The following ADGRE3 variants were observed in gnomAD, a reference collection of about 807,000 sequenced individuals.
The protein encoded by ADGRE3 is adhesion G protein-coupled receptor E3.
ADGRE3 carries 88 observed loss-of-function variants against 80.1 expected under a neutral mutation model. That is an observed-to-expected ratio of 1.10 (90% confidence interval 0.93 to 1.31). ADGRE3 has a LOEUF of 1.31. Among genes scored for constraint, ADGRE3 ranks in the 40% most tolerant of loss-of-function variants. ADGRE3 has a pLI of 0.00. For missense variants in ADGRE3, 715 were observed against 776.5 expected, an observed-to-expected ratio of 0.92 and a Z score of 0.94; for synonymous variants, 281 against 294.8, an observed-to-expected ratio of 0.95 and a Z score of 0.48.
the ADGRE3 span, among the ~76,000 whole-genome samples, chr19:14,608,481 T>C: frequency 6.6e-6 from 1 of 151,880 alleles, no homozygotes; most frequent in African/African-American, 2.4e-5. Flanking sequence ...ACCAGGGTGA[T>C]TTTTTGGTGA....
rs1970938340 is a variant in ADGRE3, at chr19:14,633,384, G to A, written c.1485-82C>T. 2.8e-6 allele frequency: 3 copies of A among 1,069,100 alleles called. No individual in the cohort carries two copies. The Admixed American group carries it at 6.7e-5, about 24-fold the overall frequency. The allele number at this position is 1,069,100 out of a possible 1,614,324, so 66.2% of individuals were successfully genotyped here. A position where few individuals can be genotyped will look rare whatever the true frequency, so the allele number is the denominator to read the frequency against. On this transcript the variant is annotated intron_variant, in intron 11 of 15. Transcript: ENST00000253673. ...ACATAAAGTGTCTCTTTTCCTACCA[G>A]AGAATTGTTTCCAGTTTCTCTTGAA...
chr19:14,665,593 G>A (rs1308875004), intron 2 of ADGRE3, among the ~76,000 whole-genome samples: 2 of 151,822 alleles, frequency 1.3e-5, no homozygotes, highest in Admixed American at 6.6e-5. Context: ...GGGCTCAAGC[G>A]ATCCTCCTAC....
chr19:14,641,668 G>GCCTCCCTCCTT, intron 9 of ADGRE3, 52 bp from the exon 10 acceptor site: 1 of 1,592,016 alleles, frequency 6.3e-7, no homozygotes, highest in African/African-American at 1.3e-5. Context: ...CTGGGATTAT[G>GCCTCCCTCCTT]GCTCCCTCCT....
In ADGRE3 at chr19:14,650,629, A is replaced by ATCTCTCTT. The variant is rs1971571010; in HGVS notation, c.697+455_697+456insAAGAGAGA. On this transcript the variant is annotated intron_variant, in intron 7 of 15. Coordinates refer to ENST00000253673, the MANE Select transcript of ADGRE3 (RefSeq NM_032571.5). ...CTCTCATCTCTTGCTCTCTGTCTCC[A>ATCTCTCTT]TCTCTCTCTCTCTCTCTCTCTCTCT... Among the ~76,000 whole-genome samples, 5 of 24,918 alleles carry ATCTCTCTT rather than the reference A, an allele frequency of 2.0e-4. 1 individual carries two copies. Among genetic ancestry groups the ATCTCTCTT allele is most frequent in the Admixed American group, 2.0e-3 (5 of 2,496 alleles). The allele number at this position is 24,918 out of a possible 152,430, so 16.3% of individuals were successfully genotyped here.
Position 14,651,088 on chromosome 19 carries a change from G to T in ADGRE3, c.694C>A (p.Gln232Lys), listed in dbSNP as rs753340170. ...RCSDIIQGDTQGPSAIAFISY... is the reference protein window; with the variant it reads ...RCSDIIQGDTKGPSAIAFISY... ...TGAATGCAGCCATCAGGCATACCTT[G>T]TGTGTCTCCCTGGATGATGTCACTG... The change falls in exon 7 of 16, where the codon CAA (glutamine) becomes AAA (lysine). Residue 232 changes from glutamine (Q) to lysine (K), a missense_variant. Transcript: ENST00000253673. 6.2e-7 allele frequency: 1 copy of T among 1,614,014 alleles called. No individual in the cohort carries two copies. The highest frequency in any genetic ancestry group is 1.3e-5 in the African/African-American group (1 of 75,046).
In ADGRE3 at chr19:14,661,980, T is replaced by C. The variant is rs763178917; in HGVS notation, c.338A>G (p.Asn113Ser). ...HSGNEQFSNSNENTCQDTTSS... is the reference protein window; with the variant it reads ...HSGNEQFSNSSENTCQDTTSS... ...GTTCTTACCCTGACAGGTGTTCTCA[T>C]TGGAATTACTGAATTGTTCATTCCC... is the stretch of plus-strand genomic sequence containing the variant. Residue 113 changes from asparagine (N) to serine (S), a missense_variant, in exon 4 of 16, where the codon AAT becomes AGT. By Grantham distance (46) the Asn-to-Ser change is conservative. Transcript: ENST00000253673. The C allele has an allele frequency of 1.5e-5, 24 of 1,614,170 alleles. No homozygotes were observed. Among genetic ancestry groups the C allele is most frequent in the East Asian group, 1.1e-4 (5 of 44,886 alleles).
At chr19:14,602,499 G>T in the ADGRE3 span, among the ~76,000 whole-genome samples, 6 of 151,946 alleles carry the variant, frequency 3.9e-5, no homozygotes, top group African/African-American at 1.4e-4. Flanking sequence ...TTGCTATGTT[G>T]CCCAGGCTGG....
rs1971594497 is a variant in ADGRE3, at chr19:14,651,093, T to C, written c.689A>G (p.Asp230Gly). 6.2e-7 allele frequency: 1 copy of C among 1,614,000 alleles called. No individual in the cohort carries two copies. The change falls in exon 7 of 16, where the codon GAC (aspartate) becomes GGC (glycine). Residue 230 changes from aspartate to glycine, a missense_variant. Transcript: ENST00000253673. ...DIRCSDIIQG[D>G]TQGPSAIAFI... The stretch of plus-strand genomic sequence containing the variant: ...GCAGCCATCAGGCATACCTTGTGTG[T>C]CTCCCTGGATGATGTCACTGCAACG...
At chr19:14,634,449 C>G (rs1970977844) in intron 11 of ADGRE3, among the ~76,000 whole-genome samples, 1 of 152,120 alleles carries the variant, frequency 6.6e-6, no homozygotes, top group African/African-American at 2.4e-5. Flanking sequence ...AGATTGATCT[C>G]TGTTGGCTGG....
At chr19:14,601,189 CA>C in the ADGRE3 span, among the ~76,000 whole-genome samples, 1 of 152,080 alleles carries the variant, frequency 6.6e-6, no homozygotes, top group African/African-American at 2.4e-5. Flanking sequence ...AGGTGTGAGC[CA>C]CCACGCTGGG....
downstream of ADGRE3, among the ~76,000 whole-genome samples, chr19:14,615,294 A>T (rs762045612): frequency 3.8e-5 from 5 of 132,776 alleles, no homozygotes; most frequent in Admixed American, 9.5e-5. Context: ...TGCAACTTCC[A>T]TCTCCCACCC....
chr19:14,669,645 C>T (rs924426649), intron 1 of ADGRE3, among the ~76,000 whole-genome samples: 2 of 152,052 alleles, frequency 1.3e-5, no homozygotes, highest in African/African-American at 2.4e-5. Context: ...CTCACTACCA[C>T]ACCTGGCTAA....
chr19:14,604,262 C>T, the ADGRE3 span, among the ~76,000 whole-genome samples: 1 of 152,156 alleles, frequency 6.6e-6, no homozygotes, highest in Admixed American at 6.5e-5. Flanking sequence ...TTTTTACCAT[C>T]ACCTGAAAAG....
At chr19:14,602,517 C>T in the ADGRE3 span, among the ~76,000 whole-genome samples, 3 of 151,994 alleles carry the variant, frequency 2.0e-5, no homozygotes, top group Non-Finnish European at 2.9e-5. Context: ...TGGTCTGGAA[C>T]TCCTGACCTC....
intron 1 of ADGRE3, among the ~76,000 whole-genome samples, chr19:14,671,840 G>A (rs904935787): frequency 4.0e-5 from 6 of 151,872 alleles, no homozygotes; most frequent in African/African-American, 1.2e-4. Flanking sequence ...CGGTTGGAGT[G>A]CAGTGGTGCA....
intron 11 of ADGRE3, 115 bp downstream of exon 11, chr19:14,637,990 A>G (rs1292229015): frequency 8.0e-6 from 6 of 745,708 alleles, no homozygotes; most frequent in Non-Finnish European, 1.4e-5. Context: ...TAGAGCTGTT[A>G]TAAAGGAGAA....
intron 11 of ADGRE3, among the ~76,000 whole-genome samples, chr19:14,636,015 T>A (rs1359145952): frequency 0.069 from 4,464 of 64,652 alleles, 437 homozygotes; most frequent in Non-Finnish European, 0.1. Context: ...CTTTCTTTCT[T>A]CCTTCCTTCC....
chr19:14,674,516 A>G (rs1318529821), intron 1 of ADGRE3, among the ~76,000 whole-genome samples: 1 of 152,058 alleles, frequency 6.6e-6, no homozygotes, highest in Non-Finnish European at 1.5e-5. Flanking sequence ...AACAAAACAA[A>G]CAAACAAAAC....
At chr19:14,634,472 T>G (rs1014278456) in intron 11 of ADGRE3, among the ~76,000 whole-genome samples, 1 of 152,150 alleles carries the variant, frequency 6.6e-6, no homozygotes, top group African/African-American at 2.4e-5. Flanking sequence ...TGGACACAGC[T>G]TTGTGACATT....
Sources: allele counts gnomAD v4.1 joint callset (sites outside exome capture counted in the v4.1 genomes callset), GRCh38; gene constraint gnomAD v4.1.1; transcripts MANE v1.5; gene names NCBI Gene and HGNC (gene_info 2026-07-23, HGNC 2026-07-21).